Variants in DLG2 observed in about 807,000 individuals in gnomAD.
The protein encoded by DLG2 is discs large MAGUK scaffold protein 2.
A neutral mutation model predicts 132.5 loss-of-function variants in DLG2; 45 were observed. The ratio of observed to expected loss-of-function variants is 0.34; its 90% CI spans 0.27 to 0.44. DLG2 has a LOEUF of 0.44. DLG2 is among the 20% of genes least tolerant of loss of function. The pLI is 1.00. For synonymous variants in DLG2, 424 were observed against 419.6 expected, an observed-to-expected ratio of 1.01 and a Z score of -0.13; for missense variants, 1,045 against 1,196.9, an observed-to-expected ratio of 0.87 and a Z score of 1.87.
At chr11:83,718,103 G>C (rs1292674612) in intron 18 of DLG2, among the ~76,000 whole-genome samples, 2 of 152,194 alleles carry the variant, frequency 1.3e-5, no homozygotes, top group African/African-American at 2.4e-5. Flanking sequence ...GAAAAGATTG[G>C]TCATAAACAG....
At chr11:84,777,362 A>C (rs1024518253) in intron 6 of DLG2, among the ~76,000 whole-genome samples, 4 of 139,714 alleles carry the variant, frequency 2.9e-5, no homozygotes, top group African/African-American at 1.1e-4. Flanking sequence ...ATGGATGCTT[A>C]TGTTTATTCT....
At chr11:84,054,494 A>G (rs2096462894) in intron 11 of DLG2, among the ~76,000 whole-genome samples, 1 of 152,006 alleles carries the variant, frequency 6.6e-6, no homozygotes, top group African/African-American at 2.4e-5. Flanking sequence ...AGGTGCTTAC[A>G]ATGACCAAAT....
At chr11:85,517,051 A>G (rs187185275) in intron 3 of DLG2, among the ~76,000 whole-genome samples, 29 of 152,192 alleles carry the variant, frequency 1.9e-4, no homozygotes, top group African/African-American at 6.3e-4. Flanking sequence ...ACCAAATCCA[A>G]CAGCACATCA....
At chr11:85,260,992 CTT>C (rs1050646766) in intron 4 of DLG2, among the ~76,000 whole-genome samples, 1 of 152,122 alleles carries the variant, frequency 6.6e-6, no homozygotes, top group African/African-American at 2.4e-5. Flanking sequence ...TAAAGTCTCT[CTT>C]GAGATGTTCC....
At position 85,354,096 on chromosome 11, in the gene DLG2, T is replaced by A. The variant is rs574906346; in HGVS notation, c.41-68731A>T. 5.3e-5 allele frequency among the ~76,000 whole-genome samples: 8 copies of A among 152,166 alleles called. No homozygotes were observed. In the South Asian group the frequency reaches 1.7e-3, roughly 32 times the overall value. On this transcript the variant is annotated intron_variant, in intron 3 of 27. Coordinates refer to ENST00000376104, the MANE Select transcript of DLG2 (RefSeq NM_001142699.3). ...TGTATGCCTAGGTCCTCTCGCACTATTCATTTTTTTCTATGCCTCATCTTT... is the reference window on the plus strand; with the variant it reads ...TGTATGCCTAGGTCCTCTCGCACTAATCATTTTTTTCTATGCCTCATCTTT...
chr11:85,250,874 A>C (rs1019591780), intron 4 of DLG2, among the ~76,000 whole-genome samples: 4 of 152,178 alleles, frequency 2.6e-5, no homozygotes, highest in African/African-American at 9.7e-5. Flanking sequence ...TATATATTTT[A>C]ACTACAAATG....
At chr11:83,884,336 G>A (rs184820290) in intron 15 of DLG2, among the ~76,000 whole-genome samples, 388 of 152,318 alleles carry the variant, frequency 2.5e-3, no homozygotes, top group Non-Finnish European at 4.0e-3. Flanking sequence ...GAGTCTCACT[G>A]ATTGCTAGCA....
chr11:84,809,444 A>AG (rs2076329247), intron 6 of DLG2, among the ~76,000 whole-genome samples: 1 of 124,188 alleles, frequency 8.1e-6, no homozygotes, highest in Non-Finnish European at 1.8e-5. Context: ...GAAAAAAAAA[A>AG]TAAAAGTCAT....
intron 10 of DLG2, among the ~76,000 whole-genome samples, chr11:84,086,487 CTTTCT>C (rs1037422844): frequency 1.3e-4 from 15 of 117,000 alleles, no homozygotes; most frequent in Admixed American, 2.1e-4. Flanking sequence ...CTTTTTCTTT[CTTTCT>C]TTTTTTTTTT....
chr11:85,582,028 T>C (rs1359424686), intron 3 of DLG2, among the ~76,000 whole-genome samples: 1 of 152,190 alleles, frequency 6.6e-6, no homozygotes, highest in Admixed American at 6.5e-5. Flanking sequence ...TCTCCAGCTA[T>C]ATTTGTCTGC....
intron 3 of DLG2, among the ~76,000 whole-genome samples, chr11:85,582,927 C>A (rs927054545): frequency 6.8e-6 from 1 of 147,598 alleles, no homozygotes; most frequent in Non-Finnish European, 1.5e-5. Context: ...ATTCAATTTG[C>A]AAATATATAT....
intron 3 of DLG2, among the ~76,000 whole-genome samples, chr11:85,579,977 T>C (rs2078408757): frequency 6.6e-6 from 1 of 152,136 alleles, no homozygotes; most frequent in African/African-American, 2.4e-5. Flanking sequence ...TTCACACATG[T>C]TGTGGGAGGG....
At position 84,887,461 on chromosome 11, in the gene DLG2, A is replaced by T. The variant is rs1379577278; in HGVS notation, c.357+224200T>A. On this transcript the variant is annotated intron_variant, in intron 6 of 27. Coordinates refer to ENST00000376104, the MANE Select transcript of DLG2 (RefSeq NM_001142699.3). The stretch of plus-strand genomic sequence containing the variant: ...ATTTTAAAATAGCAAAATATTCATT[A>T]AAAGCCTGAAAGAAGCTCATAACAA... 5.3e-5 allele frequency: 8 copies of T among 152,268 alleles called. No individual in the cohort carries two copies. The East Asian group carries it at 1.5e-3, about 29-fold the overall frequency. 9.4% of individuals were successfully genotyped at this position (152,268 alleles called of 1,614,324 possible). A position where few individuals can be genotyped will look rare whatever the true frequency, so the allele number is the denominator to read the frequency against.
intron 9 of DLG2, among the ~76,000 whole-genome samples, chr11:84,154,465 T>C (rs1481044870): frequency 6.6e-6 from 1 of 152,228 alleles, no homozygotes; most frequent in Non-Finnish European, 1.5e-5. Context: ...TTTCCCCTTG[T>C]TCTTTCAAAC....
At chr11:85,247,319 C>T (rs570365519) in intron 4 of DLG2, among the ~76,000 whole-genome samples, 38 of 151,992 alleles carry the variant, frequency 2.5e-4, no homozygotes, top group Non-Finnish European at 4.6e-4. Context: ...GCCTACCTCC[C>T]CCTGGGCATG....
At chr11:84,968,686 G>A (rs1250415763) in intron 6 of DLG2, among the ~76,000 whole-genome samples, 5 of 152,076 alleles carry the variant, frequency 3.3e-5, no homozygotes, top group African/African-American at 1.2e-4. Flanking sequence ...TGAAAGTAAT[G>A]TTCTCAGCTA....
At chr11:85,076,119 A>C (rs1032956379) in intron 6 of DLG2, among the ~76,000 whole-genome samples, 2 of 151,978 alleles carry the variant, frequency 1.3e-5, no homozygotes, top group African/African-American at 4.8e-5. Context: ...CATGTGTCAG[A>C]AAGTATGCTA....
intron 6 of DLG2, among the ~76,000 whole-genome samples, chr11:84,616,648 T>G (rs917453586): frequency 3.3e-5 from 5 of 152,138 alleles, no homozygotes; most frequent in South Asian, 2.1e-4. Context: ...TGTACAGTCT[T>G]TGGTAAACCA....
At chr11:84,000,790 G>T (rs2094306086) in intron 11 of DLG2, among the ~76,000 whole-genome samples, 1 of 152,012 alleles carries the variant, frequency 6.6e-6, no homozygotes, top group Non-Finnish European at 1.5e-5. Context: ...AAAAAATAAA[G>T]TCTTTTACAA....
Sources: gnomAD v4.1 joint callset for allele counts (sites outside exome capture counted in the v4.1 genomes callset) on GRCh38, gnomAD v4.1.1 for gene constraint, MANE v1.5 for transcripts, NCBI Gene and HGNC (gene_info 2026-07-23, HGNC 2026-07-21) for gene names.